TSGA10: variants seen among roughly 807,000 people sequenced by gnomAD.
TSGA10 encodes testis-specific gene 10 protein.
A neutral mutation model predicts 96.6 loss-of-function variants in TSGA10; 43 were observed. The ratio of observed to expected loss-of-function variants is 0.44; its 90% CI spans 0.35 to 0.57. TSGA10 has a LOEUF of 0.57. Ranked by LOEUF, TSGA10 falls within the 20% of genes least tolerant of loss-of-function variation. The pLI is 0.01. For missense variants in TSGA10, 703 were observed against 834.4 expected, an observed-to-expected ratio of 0.84 and a Z score of 1.94; for synonymous variants, 229 against 269.9, an observed-to-expected ratio of 0.85 and a Z score of 1.48.
intron 20 of TSGA10, among the ~76,000 whole-genome samples, chr2:99,001,085 T>A (rs1325938750): frequency 6.6e-6 from 1 of 152,230 alleles, no homozygotes; most frequent in African/African-American, 2.4e-5. Flanking sequence ...TTCTGCAGAC[T>A]TAAACGTCCC....
At chr2:99,076,175 T>C (rs568022054) in intron 12 of TSGA10, among the ~76,000 whole-genome samples, 4 of 152,218 alleles carry the variant, frequency 2.6e-5, no homozygotes, top group Non-Finnish European at 5.9e-5. Context: ...TTCTAGTTCC[T>C]GTTTCTTCCT....
chr2:99,087,203 C>G (rs576775655), intron 10 of TSGA10, among the ~76,000 whole-genome samples: 63 of 142,680 alleles, frequency 4.4e-4, no homozygotes, highest in African/African-American at 1.5e-3. Flanking sequence ...CACTCCGTCT[C>G]AAAAAAAAAA....
intron 2 of TSGA10, among the ~76,000 whole-genome samples, chr2:99,118,962 G>A (rs1400157256): frequency 6.6e-6 from 1 of 151,966 alleles, no homozygotes; most frequent in Non-Finnish European, 1.5e-5. Context: ...TTAGTACCCT[G>A]TAAAAGATGC....
intron 1 of TSGA10, chr2:99,141,105 G>C: frequency 2.3e-6 from 3 of 1,284,110 alleles, no homozygotes; most frequent in Non-Finnish European, 3.0e-6. Context: ...GTCCCTCCCC[G>C]GGCTCCTCGG....
chr2:99,012,403 A>C (rs147264401), intron 20 of TSGA10, among the ~76,000 whole-genome samples: 1,632 of 152,300 alleles, frequency 0.011, 8 homozygotes, highest in Middle Eastern at 0.027. Flanking sequence ...GAATGGATAA[A>C]AATTCACTGA....
At chr2:99,013,262 C>T (rs2079159022) in intron 20 of TSGA10, among the ~76,000 whole-genome samples, 1 of 151,988 alleles carries the variant, frequency 6.6e-6, no homozygotes, top group African/African-American at 2.4e-5. Flanking sequence ...TTTTAATTTC[C>T]ATCTTGATTT....
intron 10 of TSGA10, chr2:99,102,895 T>G (rs878893309): frequency 1.5e-6 from 1 of 669,530 alleles, no homozygotes; most frequent in Non-Finnish European, 2.6e-6. Flanking sequence ...TCTTTGTATT[T>G]TATAAGATAC....
chr2:99,113,785 G>C (rs919635434), intron 4 of TSGA10, among the ~76,000 whole-genome samples: 1 of 152,102 alleles, frequency 6.6e-6, no homozygotes, highest in East Asian at 1.9e-4. Flanking sequence ...GACCTGAAGT[G>C]ATCTGCCTGC....
In TSGA10 at chr2:99,081,584, TCCA is replaced by T. The variant is rs1189501622; in HGVS notation, c.612-190_612-188del. Among the ~76,000 whole-genome samples, 12 of 152,332 alleles carry T rather than the reference TCCA, an allele frequency of 7.9e-5. No homozygotes were observed. The East Asian group carries it at 2.3e-3, about 29-fold the overall frequency. On this transcript the variant is annotated intron_variant, in intron 10 of 20. Coordinates refer to ENST00000393483, the MANE Select transcript of TSGA10 (RefSeq NM_025244.4). ...ATAAAGGGTAAGAAGGGATCTTCAA[TCCA>T]CCACTCCAACATAAGCTACTATTAG...
At chr2:99,101,398 C>A (rs943444640) in intron 10 of TSGA10, among the ~76,000 whole-genome samples, 1 of 151,916 alleles carries the variant, frequency 6.6e-6, no homozygotes, top group Non-Finnish European at 1.5e-5. Flanking sequence ...AAAGTCCTGG[C>A]CTCAAGTAAT....
chr2:99,065,509 G>A (rs2085166922), intron 15 of TSGA10, among the ~76,000 whole-genome samples: 1 of 152,106 alleles, frequency 6.6e-6, no homozygotes, highest in African/African-American at 2.4e-5. Context: ...CTTTCGTACT[G>A]GTGTATTCCC....
chr2:99,104,314 G>A (rs1312335707), intron 9 of TSGA10, among the ~76,000 whole-genome samples, 196 bp from the exon 10 acceptor site: 1 of 152,144 alleles, frequency 6.6e-6, no homozygotes, highest in Non-Finnish European at 1.5e-5. Context: ...CCACTGCAAA[G>A]TAAAGCTTAT....
chr2:99,118,479 A>ATATATATACG, intron 3 of TSGA10, 72 bp downstream of exon 3: 1 of 520,024 alleles, frequency 1.9e-6, no homozygotes, highest in Non-Finnish European at 2.5e-6. Context: ...GTATATATAC[A>ATATATATACG]TATATATATA....
In TSGA10 at chr2:99,057,747, C is replaced by T. The variant is rs2084172314; in HGVS notation, c.1404+7192G>A. Among the ~76,000 whole-genome samples the T allele has an allele frequency of 2.0e-5, 3 of 152,170 alleles. No homozygotes were observed. The South Asian group carries it at 6.2e-4, about 32-fold the overall frequency. ...TCTTTGTAGAAATTGACAAGCTGAT[C>T]CTAAAATTTATATGAAAATTCAAAA... is the stretch of plus-strand genomic sequence containing the variant. On this transcript the variant is annotated intron_variant, in intron 16 of 20. Coordinates refer to ENST00000393483, the MANE Select transcript of TSGA10 (RefSeq NM_025244.4).
At chr2:99,071,909 C>A in intron 13 of TSGA10, 35 bp from the exon 14 acceptor site, 2 of 1,551,408 alleles carry the variant, frequency 1.3e-6, no homozygotes, top group South Asian at 1.2e-5. Flanking sequence ...TAAGAAGAGA[C>A]ATTTTACTGA....
rs148224475 is a variant in TSGA10, at chr2:99,122,615, CAA to C, written c.-491-3931_-491-3930del. 5.1e-3 allele frequency among the ~76,000 whole-genome samples: 274 copies of C among 53,264 alleles called. 1 individual carries two copies. Among genetic ancestry groups the C allele is most frequent in the Non-Finnish European group, 8.5e-3 (228 of 26,710 alleles). The allele number at this position is 53,264 out of a possible 152,430, so 34.9% of individuals were successfully genotyped here. On this transcript the variant is annotated intron_variant, in intron 2 of 20. Transcript: ENST00000393483. ...AAACATGGCAAAACTCCATCTCTAC[CAA>C]AAAAAAAAAAAAAAAAAAAAAAAAT...
At chr2:99,119,004 C>T (rs1047946708) in intron 2 of TSGA10, among the ~76,000 whole-genome samples, 1 of 152,042 alleles carries the variant, frequency 6.6e-6, no homozygotes, top group Non-Finnish European at 1.5e-5. Flanking sequence ...AAAAAACACT[C>T]GCACACAGAA....
intron 16 of TSGA10, among the ~76,000 whole-genome samples, chr2:99,039,043 G>C (rs2081937434): frequency 6.6e-6 from 1 of 151,970 alleles, no homozygotes; most frequent in South Asian, 2.1e-4. Flanking sequence ...AATGATCTCT[G>C]GTTCAACAAT....
rs1395705042 is a variant in TSGA10, at chr2:99,109,508, C to A, written c.-69G>T. 3 of 1,590,294 alleles carry A rather than the reference C, an allele frequency of 1.9e-6. No individual in the cohort carries two copies. The highest frequency in any genetic ancestry group is 2.6e-6 in the Non-Finnish European group (3 of 1,165,908). On this transcript the variant is annotated 5_prime_UTR_variant, in exon 6 of 21. Transcript: ENST00000393483. Reference sequence around the variant, plus strand: ...GCTTCCAAAGTCTTGACAAAGGAATCAAGTCTAGAAGGAGATTTATTTTGT... The same window carrying A: ...GCTTCCAAAGTCTTGACAAAGGAATAAAGTCTAGAAGGAGATTTATTTTGT...
Sources: allele counts gnomAD v4.1 joint callset (sites outside exome capture counted in the v4.1 genomes callset), GRCh38; gene constraint gnomAD v4.1.1; transcripts MANE v1.5; gene names NCBI Gene and HGNC (gene_info 2026-07-23, HGNC 2026-07-21).